PIK3C2G: variants seen among roughly 807,000 people sequenced by gnomAD.
The protein encoded by PIK3C2G is phosphatidylinositol 3-kinase C2 domain-containing subunit gamma.
PIK3C2G carries 168 observed loss-of-function variants against 181.1 expected under a neutral mutation model. That is an observed-to-expected ratio of 0.93 (90% CI 0.82 to 1.05). The LOEUF is 1.05. Among genes scored for constraint, PIK3C2G ranks in the 50% least tolerant of loss-of-function variants. PIK3C2G has a pLI of 0.00. For missense variants in PIK3C2G, 1,869 were observed against 1,732.8 expected (o/e 1.08, Z -1.40); for synonymous variants, 573 against 592.2 (o/e 0.97, Z 0.47).
At chr12:18,439,785 G>A (rs1946644408) in intron 18 of PIK3C2G, among the ~76,000 whole-genome samples, 1 of 151,796 alleles carries the variant, frequency 6.6e-6, no homozygotes, top group Non-Finnish European at 1.5e-5. Flanking sequence ...TCTCCATATT[G>A]CTTTAAAACT....
chr12:18,724,976 T>C, the PIK3C2G span, among the ~76,000 whole-genome samples: 2 of 152,290 alleles, frequency 1.3e-5, no homozygotes, highest in Admixed American at 6.5e-5. Context: ...TCTCTGATAA[T>C]TTGTTTTGTC....
chr12:18,687,101 C>T, the PIK3C2G span, among the ~76,000 whole-genome samples: 1 of 152,026 alleles, frequency 6.6e-6, no homozygotes, highest in Admixed American at 6.6e-5. Context: ...TAAAGGGTGT[C>T]AAATGAGGCA....
intron 31 of PIK3C2G, among the ~76,000 whole-genome samples, chr12:18,625,794 T>G (rs113183821): frequency 0.016 from 2,360 of 151,948 alleles, 53 homozygotes; most frequent in South Asian, 0.12. Flanking sequence ...CTTTTTGCAG[T>G]TTTTTATTTA....
intron 13 of PIK3C2G, among the ~76,000 whole-genome samples, chr12:18,379,467 A>T (rs2137947328): frequency 6.6e-6 from 1 of 152,288 alleles, no homozygotes; most frequent in African/African-American, 2.4e-5. Context: ...TACATAAGTA[A>T]CAAGCCTGCA....
chr12:18,722,853 T>G, the PIK3C2G span, among the ~76,000 whole-genome samples: 2 of 152,196 alleles, frequency 1.3e-5, no homozygotes, highest in African/African-American at 4.8e-5. Flanking sequence ...ATTCATCAGT[T>G]TATAATATTT....
At chr12:18,336,721 A>G (rs1215704305) in intron 8 of PIK3C2G, among the ~76,000 whole-genome samples, 2 of 152,190 alleles carry the variant, frequency 1.3e-5, no homozygotes, top group Non-Finnish European at 2.9e-5. Flanking sequence ...AAGACAAAAT[A>G]GATCTCAACT....
At chr12:18,474,338 A>G (rs755793277) in intron 18 of PIK3C2G, among the ~76,000 whole-genome samples, 1 of 152,116 alleles carries the variant, frequency 6.6e-6, no homozygotes, top group African/African-American at 2.4e-5. Flanking sequence ...AACTGATACT[A>G]GAATTTTTTA....
intron 18 of PIK3C2G, among the ~76,000 whole-genome samples, chr12:18,436,117 C>A (rs912165942): frequency 6.6e-6 from 1 of 151,948 alleles, no homozygotes; most frequent in Non-Finnish European, 1.5e-5. Flanking sequence ...AATTTCTTTC[C>A]ACCTTTCTGC....
At chr12:18,420,869 G>T in intron 16 of PIK3C2G, 72 bp from the exon 17 acceptor site, 1 of 797,004 alleles carries the variant, frequency 1.3e-6, no homozygotes, top group Non-Finnish European at 2.2e-6. Flanking sequence ...TTCATTCTCT[G>T]TTCTCCCTGA....
chr12:18,443,918 G>T (rs372375578), intron 18 of PIK3C2G, among the ~76,000 whole-genome samples: 1 of 152,092 alleles, frequency 6.6e-6, no homozygotes, highest in African/African-American at 2.4e-5. Flanking sequence ...TATTCACACA[G>T]TTGCCACTTC....
At chr12:18,517,989 C>A (rs1015323472) in intron 24 of PIK3C2G, among the ~76,000 whole-genome samples, 7 of 152,074 alleles carry the variant, frequency 4.6e-5, no homozygotes, top group Non-Finnish European at 8.8e-5. Context: ...ATTGAGATAA[C>A]CATGTGGTTT....
intron 22 of PIK3C2G, among the ~76,000 whole-genome samples, chr12:18,500,763 G>A (rs977842148): frequency 1.4e-4 from 22 of 152,100 alleles, no homozygotes; most frequent in African/African-American, 5.1e-4. Context: ...AGCCAGCAGT[G>A]GCAACCCACT....
chr12:18,717,881 C>T, the PIK3C2G span, among the ~76,000 whole-genome samples: 2 of 152,118 alleles, frequency 1.3e-5, no homozygotes, highest in South Asian at 2.1e-4. Context: ...CAGTGGAAAT[C>T]GCATTTCGAA....
chr12:18,573,407 A>T (rs2136386064), intron 29 of PIK3C2G, among the ~76,000 whole-genome samples: 1 of 152,252 alleles, frequency 6.6e-6, no homozygotes, highest in African/African-American at 2.4e-5. Context: ...TCCTGGCTTC[A>T]ATTTCCTTTT....
intron 30 of PIK3C2G, chr12:18,607,260 T>C: frequency 2.1e-6 from 1 of 472,338 alleles, no homozygotes; most frequent in Admixed American, 2.3e-5. Context: ...TAGAAAGAAA[T>C]AGTAGAGCCT....
intron 16 of PIK3C2G, among the ~76,000 whole-genome samples, chr12:18,414,873 T>C (rs1433463000): frequency 2.0e-5 from 3 of 152,208 alleles, no homozygotes; most frequent in Non-Finnish European, 2.9e-5. Context: ...CGGACATGCT[T>C]TAATGTCAAG....
upstream of PIK3C2G, among the ~76,000 whole-genome samples, chr12:18,260,847 CAG>C (rs1293065922): frequency 6.6e-6 from 1 of 151,994 alleles, no homozygotes; most frequent in African/African-American, 2.4e-5. Flanking sequence ...TGTGTTGTCT[CAG>C]AGTCTCCACA....
At chr12:18,720,515 C>T in the PIK3C2G span, among the ~76,000 whole-genome samples, 1 of 151,288 alleles carries the variant, frequency 6.6e-6, no homozygotes, top group Non-Finnish European at 1.5e-5. Flanking sequence ...GACTCATATC[C>T]ATTTAACTTG....
At chr12:18,449,060 C>T (rs1947190103) in intron 18 of PIK3C2G, among the ~76,000 whole-genome samples, 1 of 151,836 alleles carries the variant, frequency 6.6e-6, no homozygotes, top group African/African-American at 2.4e-5. Context: ...TGAGAAACTT[C>T]CATACTGTTT....
Sources: gnomAD v4.1 joint callset for allele counts (sites outside exome capture counted in the v4.1 genomes callset) on GRCh38, gnomAD v4.1.1 for gene constraint, MANE v1.5 for transcripts, NCBI Gene and HGNC (gene_info 2026-07-23, HGNC 2026-07-21) for gene names.